PPP1R16A: variants seen among roughly 807,000 people sequenced by gnomAD.
The protein encoded by PPP1R16A is protein phosphatase 1 regulatory subunit 16A, also known as myosin phosphatase-targeting subunit 3.
PPP1R16A carries 39 observed loss-of-function variants against 46.6 expected under a neutral mutation model. The ratio of observed to expected loss-of-function variants is 0.84; its 90% CI spans 0.65 to 1.09. The LOEUF is 1.09. Ranked by LOEUF, PPP1R16A falls within the 50% of genes least tolerant of loss-of-function variation. PPP1R16A has a pLI of 0.00. For missense variants in PPP1R16A, 798 were observed against 735.6 expected, an observed-to-expected ratio of 1.08 and a Z score of -0.98; for synonymous variants, 413 against 321.5, an observed-to-expected ratio of 1.28 and a Z score of -3.04.
intron 1 of PPP1R16A, among the ~76,000 whole-genome samples, chr8:144,482,075 T>TGCCGCC (rs59209733): frequency 5.2e-4 from 78 of 150,984 alleles, no homozygotes; most frequent in South Asian, 6.3e-4. Context: ...TGTGCCCGGC[T>TGCCGCC]GCCGCCGCCG....
At position 144,483,570 on chromosome 8, in the gene PPP1R16A, C is replaced by T. The variant is rs111777158; in HGVS notation, c.-914+5443C>T. 1.0e-3 allele frequency among the ~76,000 whole-genome samples: 154 copies of T among 152,190 alleles called. 1 individual carries two copies. Among genetic ancestry groups the T allele is most frequent in the African/African-American group, 2.5e-3 (105 of 41,522 alleles). The stretch of plus-strand genomic sequence containing the variant: ...GACTACAGGTGCATGCCGCCACGAC[C>T]GGCTTTTGTATTTTTAGTAGAAATG... On this transcript the variant is annotated intron_variant, in intron 1 of 11. Coordinates refer to ENST00000435887, the MANE Select transcript of PPP1R16A (RefSeq NM_001329443.2).
At chr8:144,482,262 G>A (rs1041504318) in intron 1 of PPP1R16A, among the ~76,000 whole-genome samples, 6 of 152,020 alleles carry the variant, frequency 3.9e-5, no homozygotes, top group South Asian at 2.1e-4. Flanking sequence ...TAGTAGAGAC[G>A]GGGTTTCTCC....
chr8:144,498,191 C>A, intron 3 of PPP1R16A: 1 of 423,228 alleles, frequency 2.4e-6, no homozygotes, highest in Non-Finnish European at 4.9e-6. Context: ...GCGGAGGGTG[C>A]CATGGTCCAC....
At position 144,502,078 on chromosome 8, in the gene PPP1R16A, A is replaced by C. The variant is rs749880192; in HGVS notation, c.*175A>C. ...GGAGGGATGTCTGGCTGCAAAGACT[A>C]TTTTTATCCTGCAACTCTTGATAAA... On this transcript the variant is annotated 3_prime_UTR_variant, in exon 12 of 12. Transcript: ENST00000435887. 1.7e-6 allele frequency: 1 copy of C among 602,758 alleles called. No homozygotes were observed. Among genetic ancestry groups the C allele is most frequent in the Non-Finnish European group, 2.7e-6 (1 of 364,894 alleles). The allele number at this position is 602,758 out of a possible 1,614,324, so 37.3% of individuals were successfully genotyped here.
Position 144,498,528 on chromosome 8 carries a change from G to GT in PPP1R16A, c.260-242_260-241insT, listed in dbSNP as rs1282636141. 1.2e-5 allele frequency: 6 copies of GT among 517,588 alleles called. No homozygotes were observed. In the Admixed American group the frequency reaches 1.4e-4, roughly 12 times the overall value. 32.1% of individuals were successfully genotyped at this position (517,588 alleles called of 1,614,324 possible). On this transcript the variant is annotated intron_variant, in intron 3 of 11. Transcript: ENST00000435887. The stretch of plus-strand genomic sequence containing the variant: ...AGGAGCACGGCCTGTTCTGGGGGTC[G>GT]GAGGGCTGGAGCACCACCATGAAGG...
intron 2 of PPP1R16A, among the ~76,000 whole-genome samples, chr8:144,494,089 C>CT (rs1306886128): frequency 2.6e-5 from 4 of 152,152 alleles, no homozygotes; most frequent in Admixed American, 6.5e-5. Context: ...AACAGAACAT[C>CT]TTTTTTCCTT....
At chr8:144,488,443 G>A (rs1232013800) in intron 1 of PPP1R16A, among the ~76,000 whole-genome samples, 1 of 152,134 alleles carries the variant, frequency 6.6e-6, no homozygotes, top group Non-Finnish European at 1.5e-5. Flanking sequence ...AGCGAGGGAG[G>A]CACTGGAGTG....
Position 144,478,065 on chromosome 8 carries a change from G to A in PPP1R16A, c.-976G>A, listed in dbSNP as rs917289528. On this transcript the variant is annotated 5_prime_UTR_variant, in exon 1 of 12. Coordinates refer to ENST00000435887, the MANE Select transcript of PPP1R16A (RefSeq NM_001329443.2). ...GCCCCCGCAGCGCCTCAGGGAGCGC[G>A]GGGCCCACTGACCCGCGGAAGCCAG... is the stretch of plus-strand genomic sequence containing the variant. 2.5e-6 allele frequency: 1 copy of A among 395,516 alleles called. No individual in the cohort carries two copies. Among genetic ancestry groups the A allele is most frequent in the Non-Finnish European group, 4.5e-6 (1 of 224,070 alleles). 24.5% of individuals were successfully genotyped at this position (395,516 alleles called of 1,614,324 possible).
chr8:144,486,648 T>C (rs1035315990), intron 1 of PPP1R16A, among the ~76,000 whole-genome samples: 1 of 152,220 alleles, frequency 6.6e-6, no homozygotes, highest in Admixed American at 6.5e-5. Context: ...GCCATCTGTG[T>C]ATCCTCTTCA....
chr8:144,484,164 T>C (rs1207439924), intron 1 of PPP1R16A, among the ~76,000 whole-genome samples: 1 of 152,242 alleles, frequency 6.6e-6, no homozygotes, highest in Non-Finnish European at 1.5e-5. Flanking sequence ...GGCACGTCTG[T>C]CCGCAGGTCC....
At chr8:144,480,981 T>G (rs1319589373) in intron 1 of PPP1R16A, among the ~76,000 whole-genome samples, 3 of 149,450 alleles carry the variant, frequency 2.0e-5, no homozygotes, top group Non-Finnish European at 4.5e-5. Flanking sequence ...CTCCGCCTCC[T>G]GGGTTCACAC....
At chr8:144,478,888 G>A (rs986095053) in intron 1 of PPP1R16A, 1 of 152,420 alleles carries the variant, frequency 6.6e-6, no homozygotes, top group African/African-American at 2.4e-5. Flanking sequence ...CATGGGTGCA[G>A]AGAGGGGAGC....
In PPP1R16A at chr8:144,483,422, A is replaced by G. The variant is rs376513956; in HGVS notation, c.-914+5295A>G. On this transcript the variant is annotated intron_variant, in intron 1 of 11. Coordinates refer to ENST00000435887, the MANE Select transcript of PPP1R16A (RefSeq NM_001329443.2). ...TTTATTTCTTTTTATTTATTCATTT[A>G]TTTTTGAGACGAAGTCTTGCTCTGT... Among the ~76,000 whole-genome samples, 4 of 152,104 alleles carry G rather than the reference A, an allele frequency of 2.6e-5. No homozygotes were observed. The East Asian group carries it at 5.8e-4, about 22-fold the overall frequency.
At position 144,493,593 on chromosome 8, in the gene PPP1R16A, G is replaced by C. The variant is rs1049543155; in HGVS notation, c.-734-2868G>C. Among the ~76,000 whole-genome samples the C allele has an allele frequency of 6.6e-6, 1 of 152,162 alleles. No individual in the cohort carries two copies. The highest frequency in any genetic ancestry group is 1.5e-5 in the Non-Finnish European group (1 of 68,008). Reference sequence around the variant, plus strand: ...TTCCTTCTGGAGCCCTCAGCCCACTGCCGTGGGCCTTCGGCTGGCTGCTTC... The same window carrying C: ...TTCCTTCTGGAGCCCTCAGCCCACTCCCGTGGGCCTTCGGCTGGCTGCTTC... On this transcript the variant is annotated intron_variant, in intron 2 of 11. Transcript: ENST00000435887. This position sits in a 1 kb window ranked among gnomAD's most constrained non-coding sequence, Gnocchi z 4.3.
intron 3 of PPP1R16A, 80 bp downstream of exon 3, chr8:144,497,533 G>C: frequency 1.3e-6 from 2 of 1,576,852 alleles, no homozygotes; most frequent in Non-Finnish European, 1.7e-6. Flanking sequence ...TGCCAAGGCT[G>C]GGGGCTGGGC....
At position 144,496,902 on chromosome 8, in the gene PPP1R16A, G is replaced by A. The variant is rs1826095214; in HGVS notation, c.-293G>A. On this transcript the variant is annotated 5_prime_UTR_variant, in exon 3 of 12. Transcript: ENST00000435887. ...CTGCCTCCCATAGGTTGTGCACCCT[G>A]ACCCCGAGAGGGAGGCGAGGCGCTG... 7.4e-6 allele frequency: 4 copies of A among 539,296 alleles called. No homozygotes were observed. Among genetic ancestry groups the A allele is most frequent in the Non-Finnish European group, 1.3e-5 (4 of 297,932 alleles). The allele number at this position is 539,296 out of a possible 1,614,324, so 33.4% of individuals were successfully genotyped here. A position where few individuals can be genotyped will look rare whatever the true frequency, so the allele number is the denominator to read the frequency against.
Position 144,500,980 on chromosome 8 carries a change from C to A in PPP1R16A, c.1037+9C>A. 6.9e-7 allele frequency: 1 copy of A among 1,441,342 alleles called. No homozygotes were observed. Among genetic ancestry groups the A allele is most frequent in the Non-Finnish European group, 9.0e-7 (1 of 1,109,722 alleles). The allele number at this position is 1,441,342 out of a possible 1,614,324, so 89.3% of individuals were successfully genotyped here. A position where few individuals can be genotyped will look rare whatever the true frequency, so the allele number is the denominator to read the frequency against. On this transcript the variant is annotated intron_variant, in intron 10 of 11. Transcript: ENST00000435887. ...AGCGCCGGCAGCCGCGGGTGAGCGC[C>A]GCCCCCAGCAGGCCCCGCCCCGGGC...
Position 144,500,325 on chromosome 8 carries a change from C to T in PPP1R16A, c.639C>T (p.Asp213=). 4 of 1,539,308 alleles carry T rather than the reference C, an allele frequency of 2.6e-6. No individual in the cohort carries two copies. The highest frequency in any genetic ancestry group is 3.5e-6 in the Non-Finnish European group (4 of 1,146,486). The change falls in exon 7 of 12, where the codon GAC becomes GAT. Residue 213 remains aspartate, a synonymous_variant. Coordinates refer to ENST00000435887, the MANE Select transcript of PPP1R16A (RefSeq NM_001329443.2). The part of the protein sequence containing the change: ...ARAVPELRML[D]DIRSRLQAGA... Reference sequence around the variant, plus strand: ...CCGTGCCAGAACTGCGCATGCTGGACGACATCCGGAGCCGGCTGCAGGCCG... The same window carrying T: ...CCGTGCCAGAACTGCGCATGCTGGATGACATCCGGAGCCGGCTGCAGGCCG...
At chr8:144,487,706 C>T (rs1232227370) in intron 1 of PPP1R16A, among the ~76,000 whole-genome samples, 1 of 152,194 alleles carries the variant, frequency 6.6e-6, no homozygotes, top group African/African-American at 2.4e-5. Context: ...TGGTTTATTT[C>T]TCTATGCCTA....
Sources: gnomAD v4.1 joint callset for allele counts (sites outside exome capture counted in the v4.1 genomes callset) on GRCh38, gnomAD v4.1.1 for gene constraint, Gnocchi (gnomAD v3.1) non-coding constraint, MANE v1.5 for transcripts, NCBI Gene and HGNC (gene_info 2026-07-23, HGNC 2026-07-21) for gene names.